The following RORC variants were observed in gnomAD, a reference collection of about 807,000 sequenced individuals.
RORC encodes RAR related orphan receptor C.
RORC carries 13 observed loss-of-function variants against 64.5 expected under a neutral mutation model. That is an observed-to-expected ratio of 0.20 (90% CI 0.13 to 0.32). The LOEUF is 0.32. Among genes scored for constraint, RORC ranks in the 10% least tolerant of loss-of-function variants. The probability of loss-of-function intolerance (pLI) is 1.00; values close to 1 mark genes in which losing one functional copy is unlikely to be tolerated. For synonymous variants in RORC, 277 were observed against 259.3 expected (o/e 1.07, Z -0.65); for missense variants, 468 against 669.5 (o/e 0.70, Z 3.32).
At chr1:151,831,292 G>C (rs1395539156) in intron 1 of RORC, among the ~76,000 whole-genome samples, 1 of 152,116 alleles carries the variant, frequency 6.6e-6, no homozygotes, top group African/African-American at 2.4e-5. Flanking sequence ...ACAGAAGGTG[G>C]AGCAGCCAGC....
chr1:151,807,426 G>A lies in RORC; in HGVS notation c.*46C>T. 6.3e-7 allele frequency: 1 copy of A among 1,588,948 alleles called. No individual in the cohort carries two copies. The highest frequency in any genetic ancestry group is 8.6e-7 in the Non-Finnish European group (1 of 1,159,770). On this transcript the variant is annotated 3_prime_UTR_variant, in exon 11 of 11. Transcript: ENST00000318247. The surrounding 1 kb of genome is among the most constrained non-coding windows in gnomAD (Gnocchi z 5.0). ...TGAGGGTGGAACGGGGTCCAGGGAG[G>A]TGGGCCAGCAGGCCATAGGGAGAGG... is the stretch of plus-strand genomic sequence containing the variant.
At chr1:151,819,560 G>A (rs568804022) in intron 2 of RORC, among the ~76,000 whole-genome samples, 3 of 152,298 alleles carry the variant, frequency 2.0e-5, no homozygotes, top group East Asian at 3.9e-4. Context: ...AAAAGTAAGC[G>A]GGAGGGAGAT....
intron 2 of RORC, among the ~76,000 whole-genome samples, chr1:151,825,250 C>CACACACACAT (rs1293124380): frequency 1.3e-5 from 2 of 152,128 alleles, no homozygotes; most frequent in Non-Finnish European, 2.9e-5. Context: ...TGGAGAACCA[C>CACACACACAT]ACACACACAT....
intron 2 of RORC, among the ~76,000 whole-genome samples, chr1:151,824,119 A>C (rs905107616): frequency 6.6e-6 from 1 of 152,068 alleles, no homozygotes; most frequent in East Asian, 1.9e-4. Context: ...CCCAAGCCCC[A>C]TGTGCTTTGA....
chr1:151,826,979 A>G (rs1652218992), intron 2 of RORC, among the ~76,000 whole-genome samples: 1 of 152,130 alleles, frequency 6.6e-6, no homozygotes, highest in African/African-American at 2.4e-5. Flanking sequence ...TTAGCCAGGC[A>G]TGGTGGCGAG....
intron 1 of RORC, 105 bp downstream of exon 1, chr1:151,831,620 C>G: frequency 2.0e-5 from 32 of 1,580,566 alleles, no homozygotes; most frequent in Non-Finnish European, 2.6e-5. Context: ...GCACTCTTGT[C>G]CCTCCCTCCC....
At position 151,830,789 on chromosome 1, in the gene RORC, A is replaced by C. The variant is rs1231224087; in HGVS notation, c.40+936T>G. On this transcript the variant is annotated intron_variant, in intron 1 of 10. Transcript: ENST00000318247. The surrounding 1 kb of genome is among the most constrained non-coding windows in gnomAD (Gnocchi z 4.0). ...GGAGAAAAGACTGCCCCGAGGTGGC[A>C]AGGCCCCACCCAGCCCCGCCCACCT... 2.4e-6 allele frequency: 1 copy of C among 415,672 alleles called. No individual in the cohort carries two copies. Among genetic ancestry groups the C allele is most frequent in the Non-Finnish European group, 4.3e-6 (1 of 233,250 alleles). The allele number at this position is 415,672 out of a possible 1,614,324, so 25.7% of individuals were successfully genotyped here. A position where few individuals can be genotyped will look rare whatever the true frequency, so the allele number is the denominator to read the frequency against.
intron 2 of RORC, among the ~76,000 whole-genome samples, chr1:151,826,472 T>C (rs1652201152): frequency 6.6e-6 from 1 of 152,166 alleles, no homozygotes; most frequent in Admixed American, 6.5e-5. Flanking sequence ...CTGCCTGGGG[T>C]GGTGGCATGT....
Position 151,830,593 on chromosome 1 carries a change from T to C in RORC, c.40+1132A>G, listed in dbSNP as rs1175763492. Among the ~76,000 whole-genome samples the C allele has an allele frequency of 6.9e-6, 1 of 144,510 alleles. No homozygotes were observed. Among genetic ancestry groups the C allele is most frequent in the Non-Finnish European group, 1.5e-5 (1 of 66,510 alleles). The allele number at this position is 144,510 out of a possible 152,430, so 94.8% of individuals were successfully genotyped here. ...TGACTCTATTCTGTTATTTTTTTCC[T>C]TCTGCTGTTCAGTCTTGACACCTGA... On this transcript the variant is annotated intron_variant, in intron 1 of 10. Transcript: ENST00000318247. The surrounding 1 kb of genome is among the most constrained non-coding windows in gnomAD (Gnocchi z 4.0).
rs756743069 is a variant in RORC, at chr1:151,812,953, T to C, written c.1279A>G (p.Asn427Asp). The change falls in exon 9 of 11, where the codon AAT becomes GAT. Residue 427 changes from asparagine (N) to aspartate (D), a missense_variant. Around this residue, in one of 5 missense-constraint regions of RORC, gnomAD observed 93 missense variants for 116.6 expected, o/e 0.80. Coordinates refer to ENST00000318247, the MANE Select transcript of RORC (RefSeq NM_005060.4). ...CAAGCCCAGCAACACTCACGGGCAT[T>C]GATGAGAACAAGGGCTGTGTAGAGG... ...IALYTALVLINAHRPGLQEKR... is the reference protein window; with the variant it reads ...IALYTALVLIDAHRPGLQEKR... The C allele has an allele frequency of 6.2e-7, 1 of 1,608,524 alleles. No homozygotes were observed. The highest frequency in any genetic ancestry group is 1.7e-5 in the Admixed American group (1 of 59,994).
chr1:151,823,197 C>T (rs1221411988), intron 2 of RORC, among the ~76,000 whole-genome samples: 1 of 152,018 alleles, frequency 6.6e-6, no homozygotes, highest in Non-Finnish European at 1.5e-5. Flanking sequence ...ATCTGTGTAC[C>T]CTGGGGACTT....
chr1:151,820,320 C>T (rs2101666617), intron 2 of RORC, among the ~76,000 whole-genome samples: 1 of 152,214 alleles, frequency 6.6e-6, no homozygotes, highest in East Asian at 1.9e-4. Context: ...TGATAACTCA[C>T]CTTCAAAAGC....
Position 151,829,419 on chromosome 1 carries a change from C to G in RORC, c.70+10G>C. On this transcript the variant is annotated intron_variant, in intron 2 of 10. Transcript: ENST00000318247. The stretch of plus-strand genomic sequence containing the variant: ...CCCAGCCATTTTCTTGCCCCGGACC[C>G]CCTACTCACAGGTGTGGGTCTTCTT... 1 of 1,536,842 alleles carries G rather than the reference C, an allele frequency of 6.5e-7. No homozygotes were observed. The highest frequency in any genetic ancestry group is 2.6e-5 in the East Asian group (1 of 37,888).
chr1:151,830,659 C>CACACACACACACACACACACAT lies in RORC; in HGVS notation c.40+1065_40+1066insATGTGTGTGTGTGTGTGTGTGT, dbSNP rs59443678. 6.4e-3 allele frequency among the ~76,000 whole-genome samples: 890 copies of CACACACACACACACACACACAT among 139,138 alleles called. 37 individuals are homozygous for CACACACACACACACACACACAT. The highest frequency in any genetic ancestry group is 0.015 in the African/African-American group (554 of 37,514). 91.3% of individuals were successfully genotyped at this position (139,138 alleles called of 152,430 possible). ...ACACACACACACACACACACACACA[C>CACACACACACACACACACACAT]ACAGTGCCCTTCTGCCCGGGAGATG... On this transcript the variant is annotated intron_variant, in intron 1 of 10. Coordinates refer to ENST00000318247, the MANE Select transcript of RORC (RefSeq NM_005060.4). The surrounding 1 kb of genome is among the most constrained non-coding windows in gnomAD (Gnocchi z 4.0).
At chr1:151,811,522 T>G in intron 9 of RORC, 88 bp from the exon 10 acceptor site, 1 of 803,380 alleles carries the variant, frequency 1.2e-6, no homozygotes. Flanking sequence ...TGGACATCTG[T>G]GCTGGATAGA....
intron 2 of RORC, among the ~76,000 whole-genome samples, chr1:151,821,183 GC>G (rs1178258126): frequency 1.3e-5 from 2 of 152,162 alleles, no homozygotes; most frequent in Non-Finnish European, 2.9e-5. Context: ...CTGGCCCTGT[GC>G]CAGCTTAGGA....
chr1:151,821,964 C>T (rs959613977), intron 2 of RORC, among the ~76,000 whole-genome samples: 1 of 152,136 alleles, frequency 6.6e-6, no homozygotes, highest in South Asian at 2.1e-4. Flanking sequence ...AGTGGGATGA[C>T]TTATATATCA....
At chr1:151,818,692 AG>A (rs1254624228) in intron 2 of RORC, among the ~76,000 whole-genome samples, 1 of 152,152 alleles carries the variant, frequency 6.6e-6, no homozygotes, top group African/African-American at 2.4e-5. Context: ...AGGCCAGAAA[AG>A]TGAAGAGAAG....
At chr1:151,829,491 G>T in intron 1 of RORC, 33 bp from the exon 2 acceptor site, 1 of 1,503,062 alleles carries the variant, frequency 6.7e-7, no homozygotes, top group Non-Finnish European at 8.8e-7. Context: ...TGACGTCAAA[G>T]GTTGAAGATC....
Sources: allele counts gnomAD v4.1 joint callset (sites outside exome capture counted in the v4.1 genomes callset), GRCh38; gene constraint gnomAD v4.1.1; regional missense constraint gnomAD v4.1.1; non-coding constraint Gnocchi (gnomAD v3.1); transcripts MANE v1.5; gene names NCBI Gene and HGNC (gene_info 2026-07-23, HGNC 2026-07-21).